Variants in SYT16 observed in about 807,000 individuals in gnomAD.
The protein encoded by SYT16 is synaptotagmin-16.
A neutral mutation model predicts 61.4 loss-of-function variants in SYT16; 42 were observed. That is an observed-to-expected ratio of 0.68 (90% CI 0.53 to 0.89). The LOEUF (loss-of-function observed/expected upper bound fraction) is 0.89, where lower values mean the gene tolerates loss of function less well. SYT16 is among the 40% of genes least tolerant of loss of function. SYT16 has a pLI of 0.00. For synonymous variants in SYT16, 314 were observed against 302.3 expected (o/e 1.04, Z -0.40); for missense variants, 804 against 807.3 (o/e 1.00, Z 0.05).
intron 2 of SYT16, among the ~76,000 whole-genome samples, chr14:61,989,525 T>C (rs1372940055): frequency 6.6e-6 from 1 of 152,194 alleles, no homozygotes; most frequent in Non-Finnish European, 1.5e-5. Flanking sequence ...ATCATGCCAC[T>C]GCACTCCAGC....
chr14:61,922,598 G>C (rs905833521), intron 1 of SYT16, among the ~76,000 whole-genome samples: 1 of 152,142 alleles, frequency 6.6e-6, no homozygotes, highest in African/African-American at 2.4e-5. Flanking sequence ...CTTAGTACTT[G>C]AGTGATGAAA....
intron 3 of SYT16, among the ~76,000 whole-genome samples, chr14:62,009,410 A>G (rs947677413): frequency 6.6e-6 from 1 of 152,224 alleles, no homozygotes; most frequent in African/African-American, 2.4e-5. Context: ...AGAGGAAACT[A>G]GTAATAATAC....
At chr14:62,076,289 T>C (rs2056493333) in intron 5 of SYT16, among the ~76,000 whole-genome samples, 1 of 152,166 alleles carries the variant, frequency 6.6e-6, no homozygotes, top group Non-Finnish European at 1.5e-5. Context: ...TTTGATGAAA[T>C]AAGTCATATA....
At chr14:61,922,874 C>T (rs2049386942) in intron 1 of SYT16, among the ~76,000 whole-genome samples, 1 of 151,982 alleles carries the variant, frequency 6.6e-6, no homozygotes, top group Non-Finnish European at 1.5e-5. Flanking sequence ...ATGGTGAAAC[C>T]CTGTCTCCAC....
intron 1 of SYT16, among the ~76,000 whole-genome samples, chr14:61,900,890 T>G (rs982190483): frequency 1.3e-5 from 2 of 152,186 alleles, no homozygotes; most frequent in African/African-American, 4.8e-5. Context: ...CTCAAGGAAA[T>G]AGGTGTGTGG....
At chr14:62,069,890 C>T in intron 4 of SYT16, 75 bp downstream of exon 4, 1 of 1,462,750 alleles carries the variant, frequency 6.8e-7, no homozygotes, top group Non-Finnish European at 9.4e-7. Context: ...TATTCACCCT[C>T]TGCACTCTGC....
intron 3 of SYT16, among the ~76,000 whole-genome samples, chr14:62,048,215 G>T (rs2055088079): frequency 6.6e-6 from 1 of 152,184 alleles, no homozygotes; most frequent in South Asian, 2.1e-4. Context: ...GAGGGTGTAT[G>T]TGTCTAGGAA....
At chr14:62,063,645 C>G (rs1027331297) in intron 3 of SYT16, among the ~76,000 whole-genome samples, 2 of 152,148 alleles carry the variant, frequency 1.3e-5, no homozygotes, top group African/African-American at 4.8e-5. Flanking sequence ...TACTAAGACC[C>G]CACCATCCCG....
chr14:61,990,751 G>T (rs1255028333), intron 2 of SYT16, among the ~76,000 whole-genome samples: 1 of 152,082 alleles, frequency 6.6e-6, no homozygotes, highest in Non-Finnish European at 1.5e-5. Flanking sequence ...TAGAAAATGG[G>T]GTTGGAAAGA....
chr14:61,918,515 C>A (rs543311456), intron 1 of SYT16, among the ~76,000 whole-genome samples: 1 of 152,130 alleles, frequency 6.6e-6, no homozygotes, highest in Middle Eastern at 3.4e-3. Flanking sequence ...ATGGTATATT[C>A]TTATGTTGAA....
intron 3 of SYT16, among the ~76,000 whole-genome samples, chr14:62,009,336 A>G (rs985735704): frequency 6.6e-6 from 1 of 152,202 alleles, no homozygotes; most frequent in South Asian, 2.1e-4. Flanking sequence ...ATGACACTTC[A>G]TGGGTTCATG....
chr14:61,933,849 TA>T, intron 1 of SYT16, among the ~76,000 whole-genome samples: 1 of 152,230 alleles, frequency 6.6e-6, no homozygotes, highest in South Asian at 2.1e-4. Context: ...ATAAGGAGGA[TA>T]TTTAAAAATA....
chr14:61,925,897 G>A (rs1168334916), intron 1 of SYT16, among the ~76,000 whole-genome samples: 1 of 152,156 alleles, frequency 6.6e-6, no homozygotes, highest in Non-Finnish European at 1.5e-5. Flanking sequence ...AAAGCCAAAG[G>A]AAAACTTGGA....
intron 3 of SYT16, among the ~76,000 whole-genome samples, chr14:62,011,319 T>A (rs2053441220): frequency 6.6e-6 from 1 of 152,116 alleles, no homozygotes; most frequent in South Asian, 2.1e-4. Flanking sequence ...TCAAGCTCCA[T>A]GTGTGGTCAG....
intron 1 of SYT16, among the ~76,000 whole-genome samples, chr14:61,923,836 T>C (rs2049432486): frequency 1.3e-5 from 2 of 152,194 alleles, no homozygotes; most frequent in Non-Finnish European, 2.9e-5. Context: ...CAACATATTA[T>C]TAGCAGGAAT....
chr14:62,015,927 A>T (rs2053655040), intron 3 of SYT16, among the ~76,000 whole-genome samples: 2 of 152,244 alleles, frequency 1.3e-5, no homozygotes, highest in South Asian at 4.1e-4. Context: ...CTTCACTCTT[A>T]GTCCTTAATT....
chr14:61,877,281 C>T (rs1164647294), intron 1 of SYT16, among the ~76,000 whole-genome samples: 2 of 152,070 alleles, frequency 1.3e-5, no homozygotes, highest in East Asian at 3.9e-4. Flanking sequence ...CTTGTCTGCA[C>T]CTCAGGGAGG....
At chr14:61,877,787 G>A (rs186856917) in intron 1 of SYT16, among the ~76,000 whole-genome samples, 8 of 152,310 alleles carry the variant, frequency 5.3e-5, no homozygotes, top group Admixed American at 1.3e-4. Context: ...GGGTGGGAAC[G>A]TTTACTCTTT....
intron 3 of SYT16, among the ~76,000 whole-genome samples, chr14:62,056,091 T>C (rs2055543267): frequency 6.6e-6 from 1 of 152,188 alleles, no homozygotes; most frequent in African/African-American, 2.4e-5. Flanking sequence ...GTCAAATGTT[T>C]ATAATAAACG....
Sources: gnomAD v4.1 joint callset for allele counts (sites outside exome capture counted in the v4.1 genomes callset) on GRCh38, gnomAD v4.1.1 for gene constraint, MANE v1.5 for transcripts, NCBI Gene and HGNC (gene_info 2026-07-23, HGNC 2026-07-21) for gene names.